The following RNF180 variants were observed in gnomAD, a reference collection of about 807,000 sequenced individuals.
RNF180 encodes ring finger protein 180.
RNF180 carries 38 observed loss-of-function variants against 59.2 expected under a neutral mutation model. The ratio of observed to expected loss-of-function variants is 0.64; its 90% CI spans 0.50 to 0.84. The LOEUF is 0.84. Among genes scored for constraint, RNF180 ranks in the 40% least tolerant of loss-of-function variants. The probability of loss-of-function intolerance (pLI) is 0.00; values close to 1 mark genes in which losing one functional copy is unlikely to be tolerated. For synonymous variants in RNF180, 262 were observed against 240.3 expected (o/e 1.09, Z -0.84); for missense variants, 705 against 700.9 (o/e 1.01, Z -0.07).
At position 64,212,093 on chromosome 5, in the gene RNF180, A is replaced by T; in HGVS notation, c.164A>T (p.Asn55Ile). Residue 55 changes from asparagine to isoleucine, a missense_variant, in exon 3 of 8, where the codon AAT becomes ATT. Asn to Ile is a moderately radical substitution (Grantham distance 149). Transcript: ENST00000389100. ...AAAGATGATTCAGTTGATGCTCAAA[A>T]TATTTGTCATGTGTGGCACATGAAT... is the stretch of plus-strand genomic sequence containing the variant. ...KDKDDSVDAQ[N>I]ICHVWHMNVE... The T allele has an allele frequency of 6.2e-7, 1 of 1,604,424 alleles. No individual in the cohort carries two copies. Among genetic ancestry groups the T allele is most frequent in the Non-Finnish European group, 8.5e-7 (1 of 1,171,426 alleles).
chr5:64,202,450 A>G (rs1415912144), intron 2 of RNF180, among the ~76,000 whole-genome samples: 1 of 151,990 alleles, frequency 6.6e-6, no homozygotes, highest in African/African-American at 2.4e-5. Flanking sequence ...CTGCTATCAA[A>G]ATTTTTATAA....
chr5:64,287,919 GCAA>G (rs1229624877), intron 5 of RNF180, among the ~76,000 whole-genome samples: 1 of 152,006 alleles, frequency 6.6e-6, no homozygotes, highest in Non-Finnish European at 1.5e-5. Context: ...ATCACATTTG[GCAA>G]TTTTTTGCTT....
intron 1 of RNF180, among the ~76,000 whole-genome samples, chr5:64,173,539 T>C (rs1354329507): frequency 2.0e-5 from 3 of 152,114 alleles, no homozygotes; most frequent in Non-Finnish European, 4.4e-5. Flanking sequence ...ACTATAGTCA[T>C]CTTGCTATGC....
chr5:64,194,517 C>G (rs1300190348), intron 1 of RNF180, among the ~76,000 whole-genome samples: 1 of 152,136 alleles, frequency 6.6e-6, no homozygotes, highest in Non-Finnish European at 1.5e-5. Context: ...TGGATATATA[C>G]CCAGTAATGG....
At chr5:64,203,574 G>A (rs1195693042) in intron 2 of RNF180, among the ~76,000 whole-genome samples, 1 of 151,774 alleles carries the variant, frequency 6.6e-6, no homozygotes, top group African/African-American at 2.4e-5. Flanking sequence ...GTAAACCATT[G>A]AAAATACCTT....
At chr5:64,201,021 C>G in intron 2 of RNF180, 79 bp downstream of exon 2, 1 of 1,030,394 alleles carries the variant, frequency 9.7e-7, no homozygotes, top group Non-Finnish European at 1.4e-6. Context: ...CACACTTATT[C>G]TTCTCTACCT....
At chr5:64,204,752 C>G (rs1246440793) in intron 2 of RNF180, among the ~76,000 whole-genome samples, 1 of 151,848 alleles carries the variant, frequency 6.6e-6, no homozygotes, top group Non-Finnish European at 1.5e-5. Flanking sequence ...ATGTTTTTTC[C>G]TCTCCTTCTA....
rs146956277 is a variant in RNF180 at position 64,358,558 on chromosome 5, G to A, written c.1580-11057G>A. ...CAGCAAATATTAAAGAAATTGATAG[G>A]TATTTTTAAATCTGCCCATAGACCT... On this transcript the variant is annotated intron_variant, in intron 7 of 7. Coordinates refer to ENST00000389100, the MANE Select transcript of RNF180 (RefSeq NM_001113561.2). Among the ~76,000 whole-genome samples, 742 of 151,840 alleles carry A rather than the reference G, an allele frequency of 4.9e-3. 4 individuals carry two copies. The highest frequency in any genetic ancestry group is 0.027 in the South Asian group (129 of 4,818).
chr5:64,269,647 G>A (rs1406535302), intron 5 of RNF180, among the ~76,000 whole-genome samples: 2 of 152,126 alleles, frequency 1.3e-5, no homozygotes, highest in Non-Finnish European at 2.9e-5. Context: ...TTTAAGCTAA[G>A]CTGTGGGACA....
At chr5:64,233,427 TGAAA>T (rs1298965087) in intron 5 of RNF180, among the ~76,000 whole-genome samples, 4 of 152,096 alleles carry the variant, frequency 2.6e-5, no homozygotes, top group Admixed American at 1.3e-4. Flanking sequence ...AAGCTAGAAA[TGAAA>T]GAAATTAAAA....
intron 5 of RNF180, among the ~76,000 whole-genome samples, chr5:64,292,434 C>T (rs188213177): frequency 1.1e-3 from 160 of 152,234 alleles, no homozygotes; most frequent in African/African-American, 3.6e-3. Context: ...GTTGGTTTTC[C>T]GCTTACCTGG....
intron 5 of RNF180, among the ~76,000 whole-genome samples, chr5:64,319,522 A>G (rs191823029): frequency 1.1e-3 from 170 of 152,360 alleles, no homozygotes; most frequent in African/African-American, 4.0e-3. Context: ...AGAGTTATTT[A>G]TACTATTCTT....
intron 5 of RNF180, among the ~76,000 whole-genome samples, chr5:64,283,362 T>C (rs1381579374): frequency 6.6e-6 from 1 of 152,096 alleles, no homozygotes; most frequent in East Asian, 1.9e-4. Flanking sequence ...AGCTTGTGGG[T>C]GTTACTGGAT....
intron 1 of RNF180, among the ~76,000 whole-genome samples, chr5:64,177,500 AT>A (rs1396795799): frequency 1.5e-5 from 2 of 130,458 alleles, no homozygotes; most frequent in Admixed American, 8.2e-5. Context: ...CTCTATCTAG[AT>A]TTTTTTCAAA....
intron 5 of RNF180, among the ~76,000 whole-genome samples, chr5:64,258,963 T>A (rs200454531): frequency 6.6e-6 from 1 of 152,166 alleles, no homozygotes; most frequent in East Asian, 1.9e-4. Flanking sequence ...AGGATATTTT[T>A]AAGTGATAGC....
At chr5:64,298,951 C>G (rs1743028388) in intron 5 of RNF180, among the ~76,000 whole-genome samples, 1 of 151,918 alleles carries the variant, frequency 6.6e-6, no homozygotes, top group Non-Finnish European at 1.5e-5. Context: ...AATCAGTGGC[C>G]TCCCACAAAT....
chr5:64,254,430 TAACAAAA>T (rs1319059143), intron 5 of RNF180, among the ~76,000 whole-genome samples: 1 of 152,150 alleles, frequency 6.6e-6, no homozygotes, highest in Non-Finnish European at 1.5e-5. Context: ...TTTGTTTAAA[TAACAAAA>T]AAGTATTTTA....
At chr5:64,322,001 A>G (rs1744377720) in intron 5 of RNF180, among the ~76,000 whole-genome samples, 1 of 152,246 alleles carries the variant, frequency 6.6e-6, no homozygotes, top group South Asian at 2.1e-4. Context: ...TTATATAAAA[A>G]TTAACTCAAG....
At chr5:64,246,908 A>G (rs1743208845) in intron 5 of RNF180, among the ~76,000 whole-genome samples, 1 of 152,208 alleles carries the variant, frequency 6.6e-6, no homozygotes, top group Non-Finnish European at 1.5e-5. Flanking sequence ...AAGCTTACCC[A>G]CCACGATCAA....
Sources: gnomAD v4.1 joint callset for allele counts (sites outside exome capture counted in the v4.1 genomes callset) on GRCh38, gnomAD v4.1.1 for gene constraint, MANE v1.5 for transcripts, NCBI Gene and HGNC (gene_info 2026-07-23, HGNC 2026-07-21) for gene names.